Variants in SEMA6B observed in about 807,000 individuals in gnomAD.
SEMA6B encodes the protein semaphorin 6B.
Under a neutral mutation model 78.6 loss-of-function variants are expected in SEMA6B, and 47 were observed. The ratio of observed to expected loss-of-function variants is 0.60; its 90% CI spans 0.47 to 0.76. The LOEUF (loss-of-function observed/expected upper bound fraction) is 0.76. SEMA6B is among the 30% of genes least tolerant of loss of function. The pLI is 0.00. For missense variants in SEMA6B, 1,213 were observed against 1,269.9 expected (o/e 0.96, Z 0.68); for synonymous variants, 632 against 592.2 (o/e 1.07, Z -0.98).
Position 4,548,009 on chromosome 19 carries a change from C to T in SEMA6B, c.1601+18G>A, listed in dbSNP as rs1037747102. 2 of 1,529,192 alleles carry T rather than the reference C, an allele frequency of 1.3e-6. No individual in the cohort carries two copies. Among genetic ancestry groups the T allele is most frequent in the Non-Finnish European group, 1.8e-6 (2 of 1,139,020 alleles). 94.7% of individuals were successfully genotyped at this position (1,529,192 alleles called of 1,614,324 possible). The stretch of plus-strand genomic sequence containing the variant: ...TCCCTTGCTTCCCGCCCACGGCTGG[C>T]CTGGGGTGGACACTCACTTCATACA... On this transcript the variant is annotated intron_variant, in intron 14 of 16. Transcript: ENST00000586582.
chr19:4,545,518 G>T (rs923081258), intron 16 of SEMA6B, among the ~76,000 whole-genome samples: 4 of 151,836 alleles, frequency 2.6e-5, no homozygotes, highest in African/African-American at 9.7e-5. Flanking sequence ...TTGGGTTTTT[G>T]TTTTAGAGAC....
In SEMA6B at chr19:4,544,613, CTTT is replaced by C. The variant is rs977185989; in HGVS notation, c.1739-87_1739-85del. On this transcript the variant is annotated intron_variant, in intron 16 of 16. Transcript: ENST00000586582. The surrounding 1 kb of genome is among the most constrained non-coding windows in gnomAD (Gnocchi z 5.1). ...CTACCTCCTCGGGGCCCTCTGTCCT[CTTT>C]TTTATTATTTTTATTTTTTTTTATT... The C allele has an allele frequency of 1.6e-5, 11 of 701,662 alleles. No individual in the cohort carries two copies. The highest frequency in any genetic ancestry group is 1.3e-4 in the African/African-American group (7 of 53,740). 43.5% of individuals were successfully genotyped at this position (701,662 alleles called of 1,614,324 possible). A position where few individuals can be genotyped will look rare whatever the true frequency, so the allele number is the denominator to read the frequency against.
rs554053780 is a variant in SEMA6B, at chr19:4,557,110, T to G, written c.306+53A>C. 14 of 1,591,212 alleles carry G rather than the reference T, an allele frequency of 8.8e-6. No homozygotes were observed. The South Asian group carries it at 1.5e-4, about 18-fold the overall frequency. On this transcript the variant is annotated intron_variant, in intron 4 of 16. Coordinates refer to ENST00000586582, the MANE Select transcript of SEMA6B (RefSeq NM_032108.4). ...GAATCCACCCAGCTCCCCGGCGCAG[T>G]GCCGCGTCCCCCTGGCCCTACCCCT...
rs745664571 is a variant in SEMA6B, at chr19:4,548,413, C to G, written c.1304G>C (p.Gly435Ala). The G allele has an allele frequency of 6.2e-7, 1 of 1,613,136 alleles. No individual in the cohort carries two copies. Among genetic ancestry groups the G allele is most frequent in the Non-Finnish European group, 8.5e-7 (1 of 1,179,804 alleles). ...HQLTRVAVDV[G>A]AGPWGNQTVV... ...GGTCTGGTTGCCCCAGGGGCCGGCTCCCACGTCCACAGCCACTCGAGTCAG... is the reference window on the plus strand; with the variant it reads ...GGTCTGGTTGCCCCAGGGGCCGGCTGCCACGTCCACAGCCACTCGAGTCAG... Residue 435 changes from glycine (G) to alanine (A), a missense_variant, in exon 13 of 17, where the codon GGA becomes GCA. Coordinates refer to ENST00000586582, the MANE Select transcript of SEMA6B (RefSeq NM_032108.4).
intron 3 of SEMA6B, among the ~76,000 whole-genome samples, chr19:4,557,804 C>T (rs1207598593): frequency 1.3e-5 from 2 of 152,182 alleles, no homozygotes; most frequent in African/African-American, 4.8e-5. Context: ...AAGCAGCCAC[C>T]AGAGGGCGGG....
chr19:4,548,425 GC>G lies in SEMA6B; in HGVS notation c.1291del (p.Ala431LeufsTer69). The stretch of plus-strand genomic sequence containing the variant: ...CCAGGGGCCGGCTCCCACGTCCACA[GC>G]CACTCGAGTCAGCTGGTGCCTGGGG... The part of the protein sequence containing the change: ...TLMRHQLTRV[A>X]VDVGAGPWGN... On this transcript the variant is annotated frameshift_variant, in exon 13 of 17. Transcript: ENST00000586582. LOFTEE classifies it high-confidence loss of function. 1 of 1,612,594 alleles carries G rather than the reference GC, an allele frequency of 6.2e-7. No individual in the cohort carries two copies. The highest frequency in any genetic ancestry group is 8.5e-7 in the Non-Finnish European group (1 of 1,179,530).
At position 4,556,081 on chromosome 19, in the gene SEMA6B, A is replaced by C; in HGVS notation, c.378T>G (p.Cys126Trp). 6.2e-7 allele frequency: 1 copy of C among 1,613,580 alleles called. No individual in the cohort carries two copies. Among genetic ancestry groups the C allele is most frequent in the Non-Finnish European group, 8.5e-7 (1 of 1,179,596 alleles). The change falls in exon 6 of 17, where the codon TGT becomes TGG. Residue 126 changes from cysteine to tryptophan, a missense_variant. Cys to Trp is a radical substitution (Grantham distance 215, BLOSUM62 -2). Coordinates refer to ENST00000586582, the MANE Select transcript of SEMA6B (RefSeq NM_032108.4). Reference protein sequence around the residue: ...CRMKGKQEGECRNFVKVLLLR... With the variant: ...CRMKGKQEGEWRNFVKVLLLR... ...GGAGCAGCACCTTTACGAAGTTTCG[A>C]CACTCGCCCTGAGGTGGGGACAGGA...
intron 16 of SEMA6B, among the ~76,000 whole-genome samples, chr19:4,545,632 G>A (rs1977144429): frequency 6.6e-6 from 1 of 152,156 alleles, no homozygotes; most frequent in Non-Finnish European, 1.5e-5. Context: ...GAGCTGCCGC[G>A]CCTGGCCCCT....
At chr19:4,554,300 C>A in intron 9 of SEMA6B, 88 bp downstream of exon 9, 2 of 1,055,534 alleles carry the variant, frequency 1.9e-6, no homozygotes, top group South Asian at 2.7e-5. Context: ...CCCTCTCACC[C>A]CATGCAGGGA....
Position 4,542,992 on chromosome 19 carries a change from C to T in SEMA6B, c.*609G>A, listed in dbSNP as rs752822566. ...GTCGGCTCAGCCAACGCCCAGGCCG[C>T]TGGGGCCACCACGATCGTCGCTCGT... On this transcript the variant is annotated 3_prime_UTR_variant, in exon 17 of 17. Coordinates refer to ENST00000586582, the MANE Select transcript of SEMA6B (RefSeq NM_032108.4). The T allele has an allele frequency of 2.3e-5, 16 of 696,980 alleles. No homozygotes were observed. The highest frequency in any genetic ancestry group is 1.1e-4 in the African/African-American group (6 of 57,042). 43.2% of individuals were successfully genotyped at this position (696,980 alleles called of 1,614,324 possible). A position where few individuals can be genotyped will look rare whatever the true frequency, so the allele number is the denominator to read the frequency against.
chr19:4,552,360 C>T lies in SEMA6B; in HGVS notation c.989+62G>A. 1.4e-6 allele frequency: 2 copies of T among 1,471,272 alleles called. No homozygotes were observed. The highest frequency in any genetic ancestry group is 1.8e-6 in the Non-Finnish European group (2 of 1,084,080). 91.1% of individuals were successfully genotyped at this position (1,471,272 alleles called of 1,614,324 possible). A position where few individuals can be genotyped will look rare whatever the true frequency, so the allele number is the denominator to read the frequency against. On this transcript the variant is annotated intron_variant, in intron 10 of 16. Coordinates refer to ENST00000586582, the MANE Select transcript of SEMA6B (RefSeq NM_032108.4). The surrounding 1 kb of genome is among the most constrained non-coding windows in gnomAD (Gnocchi z 7.4). ...CCAGGGCATACCTGAGGAGTGAATA[C>T]AGGCCCTCTCTACCCATGCCCACCA...
intron 9 of SEMA6B, among the ~76,000 whole-genome samples, chr19:4,553,830 CAGAT>C (rs138105323): frequency 0.42 from 62,854 of 148,330 alleles, 13,379 homozygotes; most frequent in East Asian, 0.58. Flanking sequence ...AATGGATTGG[CAGAT>C]GGATGGACAG....
At chr19:4,549,679 T>C (rs1349524609) in intron 12 of SEMA6B, among the ~76,000 whole-genome samples, 1 of 152,142 alleles carries the variant, frequency 6.6e-6, no homozygotes, top group Non-Finnish European at 1.5e-5. Context: ...GGGGTTTCAC[T>C]GTGTTAACCA....
rs1005645392 is a variant in SEMA6B, at chr19:4,557,188, G to A, written c.281C>T (p.Thr94Met). 6.2e-7 allele frequency: 1 copy of A among 1,607,300 alleles called. No homozygotes were observed. Among genetic ancestry groups the A allele is most frequent in the Non-Finnish European group, 8.5e-7 (1 of 1,176,270 alleles). The change falls in exon 4 of 17, where the codon ACG becomes ATG. Residue 94 changes from threonine to methionine, a missense_variant. Thr to Met is a moderately conservative substitution (Grantham distance 81, BLOSUM62 -1). Coordinates refer to ENST00000586582, the MANE Select transcript of SEMA6B (RefSeq NM_032108.4). ...CCTCTGGTACCGCAGCTCCGTGGAC[G>A]TGGGGGGCTCCAGCTCTACGCGGTA... ...NLYRVELEPP[T>M]STELRYQRKL...
intron 8 of SEMA6B, 21 bp downstream of exon 8, chr19:4,554,955 C>A: frequency 6.2e-7 from 1 of 1,611,604 alleles, no homozygotes; most frequent in Non-Finnish European, 8.5e-7. Context: ...GGTCTGGGCC[C>A]ACTGCCCTTC....
chr19:4,544,356 C>T lies in SEMA6B; in HGVS notation c.1912G>A (p.Ala638Thr). 1.3e-6 allele frequency: 2 copies of T among 1,565,716 alleles called. No homozygotes were observed. Among genetic ancestry groups the T allele is most frequent in the Non-Finnish European group, 8.6e-7 (1 of 1,160,068 alleles). ...RELARRKDKE[A>T]ILAHGAGEAV... ...TCGCCCGCCCCGTGCGCCAGGATGG[C>T]CTCCTTGTCCTTGCGCCGGGCCAGC... The change falls in exon 17 of 17, where the codon GCC becomes ACC. Residue 638 changes from alanine to threonine, a missense_variant. Ala to Thr is a moderately conservative substitution (Grantham distance 58). Coordinates refer to ENST00000586582, the MANE Select transcript of SEMA6B (RefSeq NM_032108.4). The surrounding 1 kb of genome is among the most constrained non-coding windows in gnomAD (Gnocchi z 5.1).
chr19:4,543,426 G>T lies in SEMA6B; in HGVS notation c.*175C>A, dbSNP rs1977072336. 4 of 376,512 alleles carry T rather than the reference G, an allele frequency of 1.1e-5. No homozygotes were observed. The South Asian group carries it at 4.9e-4, about 46-fold the overall frequency. The allele number at this position is 376,512 out of a possible 1,614,324, so 23.3% of individuals were successfully genotyped here. A position where few individuals can be genotyped will look rare whatever the true frequency, so the allele number is the denominator to read the frequency against. Reference sequence around the variant, plus strand: ...CAGCGTCCTGCGGCCCCGGGTAGGGGGAGGGCGAGCTGGTTGTGCTTCCTT... The same window carrying T: ...CAGCGTCCTGCGGCCCCGGGTAGGGTGAGGGCGAGCTGGTTGTGCTTCCTT... On this transcript the variant is annotated 3_prime_UTR_variant, in exon 17 of 17. Coordinates refer to ENST00000586582, the MANE Select transcript of SEMA6B (RefSeq NM_032108.4).
In SEMA6B at chr19:4,555,558, T is replaced by A. The variant is rs771568297; in HGVS notation, c.478A>T (p.Thr160Ser). Reference sequence around the variant, plus strand: ...ATGTTGTCTCCGACGGGCTGCAGGGTGTCTATCTGCAGGGACCATGGGGCC... The same window carrying A: ...ATGTTGTCTCCGACGGGCTGCAGGGAGTCTATCTGCAGGGACCATGGGGCC... ...NPVCANYSID[T>S]LQPVGDNISG... Residue 160 changes from threonine to serine, a missense_variant, in exon 7 of 17, where the codon ACC becomes TCC. Physicochemically the swap from Thr to Ser is moderately conservative, Grantham distance 58. Transcript: ENST00000586582. This position sits in a 1 kb window ranked among gnomAD's most constrained non-coding sequence, Gnocchi z 6.1. 2 of 1,612,704 alleles carry A rather than the reference T, an allele frequency of 1.2e-6. No individual in the cohort carries two copies. Among genetic ancestry groups the A allele is most frequent in the African/African-American group, 2.7e-5 (2 of 74,864 alleles).
In SEMA6B at chr19:4,548,101, GC is replaced by G. The variant is rs1977218048; in HGVS notation, c.1526del (p.Gly509AlafsTer25). 7 of 1,590,152 alleles carry G rather than the reference GC, an allele frequency of 4.4e-6. No individual in the cohort carries two copies. The highest frequency in any genetic ancestry group is 2.7e-5 in the African/African-American group (2 of 74,678). ...CGCAGCGGGGGAAGGCAGCCAGCAG[GC>G]CCCCCGAAGCTGCGTCCAGCTCCAA... Reference protein sequence around the residue: ...LSLELDAASGGLLAAFPRCVV... With the variant: ...LSLELDAASGXLLAAFPRCVV... On this transcript the variant is annotated frameshift_variant, in exon 14 of 17. Coordinates refer to ENST00000586582, the MANE Select transcript of SEMA6B (RefSeq NM_032108.4). LOFTEE classifies it high-confidence loss of function.
Sources: allele counts gnomAD v4.1 joint callset (sites outside exome capture counted in the v4.1 genomes callset), GRCh38; gene constraint gnomAD v4.1.1; non-coding constraint Gnocchi (gnomAD v3.1); transcripts MANE v1.5; gene names NCBI Gene and HGNC (gene_info 2026-07-23, HGNC 2026-07-21).